SYNJ2: variants seen among roughly 807,000 people sequenced by gnomAD.
The protein encoded by SYNJ2 is polyphosphatidylinositol phosphatase SYNJ2.
A neutral mutation model predicts 141.3 loss-of-function variants in SYNJ2; 116 were observed. The observed-to-expected ratio is 0.82, with a 90% CI of 0.71 to 0.96. SYNJ2 has a LOEUF of 0.96. SYNJ2 is among the 40% of genes least tolerant of loss of function. The pLI, the probability that SYNJ2 is intolerant of heterozygous loss-of-function variation, is 0.00. For missense variants in SYNJ2, 1,873 were observed against 1,934.8 expected, an observed-to-expected ratio of 0.97 and a Z score of 0.60; for synonymous variants, 745 against 777.7, an observed-to-expected ratio of 0.96 and a Z score of 0.70.
At chr6:158,085,114 G>A (rs1422937302) in intron 22 of SYNJ2, among the ~76,000 whole-genome samples, 1 of 151,304 alleles carries the variant, frequency 6.6e-6, no homozygotes, top group East Asian at 1.9e-4. Context: ...CCACCTCCCA[G>A]GCTCAAGCGA....
rs139435603 is a variant in SYNJ2, at chr6:158,063,955, C to T, written c.1209+83C>T. 2.7e-4 allele frequency: 389 copies of T among 1,431,072 alleles called. 1 individual carries two copies. The African/African-American group carries it at 3.6e-3, about 13-fold the overall frequency. The allele number at this position is 1,431,072 out of a possible 1,614,324, so 88.6% of individuals were successfully genotyped here. ...GACAGGCTGGGCTGAGCACCTTTAG[C>T]GGCAAGATGAGGGTGGCATCACCAA... On this transcript the variant is annotated intron_variant, in intron 9 of 26. Transcript: ENST00000355585.
At position 158,096,695 on chromosome 6, in the gene SYNJ2, C is replaced by A; in HGVS notation, c.*331C>A. On this transcript the variant is annotated 3_prime_UTR_variant, in exon 27 of 27. Coordinates refer to ENST00000355585, the MANE Select transcript of SYNJ2 (RefSeq NM_003898.4). ...CCCATTGAATTTTTAAATGGCTGTTCAGTTCATGTTGTACGTGATGGAGAT... is the reference window on the plus strand; with the variant it reads ...CCCATTGAATTTTTAAATGGCTGTTAAGTTCATGTTGTACGTGATGGAGAT... 1 of 212,518 alleles carries A rather than the reference C, an allele frequency of 4.7e-6. No individual in the cohort carries two copies. The highest frequency in any genetic ancestry group is 1.3e-4 in the East Asian group (1 of 7,936). 13.2% of individuals were successfully genotyped at this position (212,518 alleles called of 1,614,324 possible).
Position 158,069,651 on chromosome 6 carries a change from C to G in SYNJ2, c.1918C>G (p.Pro640Ala). ...CGTCTGTCTTTATATCTTTGTACGT[C>G]CATACCATGTCCCGTTCATCAGGTA... ...VGVCLYIFVR[P>A]YHVPFIRDVA... The change falls in exon 14 of 27, where the codon CCA becomes GCA. Residue 640 changes from proline to alanine, a missense_variant. Physicochemically the swap from Pro to Ala is conservative, Grantham distance 27. Coordinates refer to ENST00000355585, the MANE Select transcript of SYNJ2 (RefSeq NM_003898.4). The G allele has an allele frequency of 6.2e-7, 1 of 1,613,556 alleles. No homozygotes were observed. Among genetic ancestry groups the G allele is most frequent in the Non-Finnish European group, 8.5e-7 (1 of 1,179,584 alleles).
intron 15 of SYNJ2, among the ~76,000 whole-genome samples, chr6:158,073,068 TAA>T (rs59003520): frequency 1.8e-3 from 238 of 134,338 alleles, no homozygotes; most frequent in Middle Eastern, 3.9e-3. Flanking sequence ...AGACTCTGTC[TAA>T]AAAAAAAAAA....
chr6:158,047,799 A>C (rs1372368321), intron 5 of SYNJ2, among the ~76,000 whole-genome samples: 5 of 149,806 alleles, frequency 3.3e-5, no homozygotes, highest in African/African-American at 4.9e-5. Context: ...AAAAAAAAAA[A>C]AAAAAACACA....
intron 7 of SYNJ2, chr6:158,059,618 A>G: frequency 9.1e-7 from 1 of 1,100,100 alleles, no homozygotes; most frequent in South Asian, 2.3e-5. Flanking sequence ...GCAGTGGTGC[A>G]ATCTCAGCTC....
chr6:158,083,517 T>A lies in SYNJ2; in HGVS notation c.2954T>A (p.Met985Lys). The A allele has an allele frequency of 6.2e-7, 1 of 1,614,204 alleles. No homozygotes were observed. The highest frequency in any genetic ancestry group is 8.5e-7 in the Non-Finnish European group (1 of 1,180,038). ...GAGATCATTCGGAAACGAGACAGCA[T>A]GGCCCCCGTGTCTCCCACTGCCAAC... ...REEIIRKRDS[M>K]APVSPTANSC... is the part of the protein sequence containing the mutation. The change falls in exon 21 of 27, where the codon ATG becomes AAG. Residue 985 changes from methionine to lysine, a missense_variant. Coordinates refer to ENST00000355585, the MANE Select transcript of SYNJ2 (RefSeq NM_003898.4).
intron 5 of SYNJ2, among the ~76,000 whole-genome samples, chr6:158,053,565 A>C (rs528144992): frequency 1.3e-4 from 20 of 151,456 alleles, no homozygotes; most frequent in African/African-American, 4.1e-4. Flanking sequence ...TAACCCATCC[A>C]TTCATCCACT....
chr6:158,092,809 A>T (rs1783549577), intron 25 of SYNJ2, 117 bp from the exon 26 acceptor site: 3 of 980,554 alleles, frequency 3.1e-6, no homozygotes, highest in Non-Finnish European at 2.9e-6. Flanking sequence ...CTAGCTGATT[A>T]CTCCTGAAAT....
intron 17 of SYNJ2, chr6:158,077,769 C>T (rs1486770492): frequency 6.5e-6 from 1 of 153,046 alleles, no homozygotes; most frequent in Non-Finnish European, 1.5e-5. Flanking sequence ...TTGTGAACGC[C>T]TGTGTGGCCC....
intron 4 of SYNJ2, among the ~76,000 whole-genome samples, chr6:158,038,232 T>G (rs1200839402): frequency 1.3e-5 from 2 of 152,006 alleles, no homozygotes; most frequent in African/African-American, 4.8e-5. Flanking sequence ...CTAGTGTGTG[T>G]GTTTTGTCCT....
chr6:158,027,056 G>A lies in SYNJ2; in HGVS notation c.215-1700G>A, dbSNP rs74615689. The A allele has an allele frequency of 4.5e-4, 448 of 985,376 alleles. 1 individual carries two copies. The African/African-American group carries it at 7.0e-3, about 15-fold the overall frequency. 61.0% of individuals were successfully genotyped at this position (985,376 alleles called of 1,614,324 possible). A position where few individuals can be genotyped will look rare whatever the true frequency, so the allele number is the denominator to read the frequency against. ...TGCCCTGCTGGCAGCCCCACCCCAT[G>A]GCATAGCAGCAGGCCCCTGGGAGCC... On this transcript the variant is annotated intron_variant, in intron 2 of 26. Transcript: ENST00000355585. This position sits in a 1 kb window ranked among gnomAD's most constrained non-coding sequence, Gnocchi z 4.6.
At position 158,084,711 on chromosome 6, in the gene SYNJ2, C is replaced by T. The variant is rs1377547821; in HGVS notation, c.3208+537C>T. Among the ~76,000 whole-genome samples the T allele has an allele frequency of 6.6e-6, 1 of 152,036 alleles. No individual in the cohort carries two copies. The highest frequency in any genetic ancestry group is 1.9e-4 in the East Asian group (1 of 5,168). Reference sequence around the variant, plus strand: ...CCTGTAATCCCAGCTACTCAGGCAGCTGAAGCAGGAGAATCGCTTGAGCTG... The same window carrying T: ...CCTGTAATCCCAGCTACTCAGGCAGTTGAAGCAGGAGAATCGCTTGAGCTG... On this transcript the variant is annotated intron_variant, in intron 22 of 26. Transcript: ENST00000355585. The surrounding 1 kb of genome is among the most constrained non-coding windows in gnomAD (Gnocchi z 5.0).
At chr6:157,985,069 A>T (rs1777151099) in intron 1 of SYNJ2, among the ~76,000 whole-genome samples, 1 of 152,174 alleles carries the variant, frequency 6.6e-6, no homozygotes, top group South Asian at 2.1e-4. Context: ...TTCATAGCAC[A>T]TTTTATTCCT....
intron 9 of SYNJ2, among the ~76,000 whole-genome samples, chr6:158,064,210 G>A (rs1174467646): frequency 6.6e-6 from 1 of 152,196 alleles, no homozygotes; most frequent in Non-Finnish European, 1.5e-5. Flanking sequence ...GATGAGGCTG[G>A]ATTTGAAGCT....
chr6:158,037,471 G>A (rs528428759), intron 4 of SYNJ2, among the ~76,000 whole-genome samples: 8 of 144,638 alleles, frequency 5.5e-5, no homozygotes, highest in African/African-American at 7.8e-5. Flanking sequence ...GCACAATCTC[G>A]GCTCACTGCA....
chr6:158,026,240 G>A (rs1204504692), intron 2 of SYNJ2, among the ~76,000 whole-genome samples: 1 of 152,198 alleles, frequency 6.6e-6, no homozygotes, highest in Non-Finnish European at 1.5e-5. Context: ...GCAAGGAGGT[G>A]TAATTAGGAG....
Position 157,982,190 on chromosome 6 carries a change from C to T in SYNJ2, c.127+102C>T, listed in dbSNP as rs1211514548. ...CCCCCTTCCCGAGGGGATCGGGCGG[C>T]GCTGGGACTGCCGGGGCGTAGGGGT... is the stretch of plus-strand genomic sequence containing the variant. On this transcript the variant is annotated intron_variant, in intron 1 of 26. Coordinates refer to ENST00000355585, the MANE Select transcript of SYNJ2 (RefSeq NM_003898.4). This position sits in a 1 kb window ranked among gnomAD's most constrained non-coding sequence, Gnocchi z 4.0. 5.7e-6 allele frequency: 7 copies of T among 1,231,962 alleles called. No individual in the cohort carries two copies. In the Admixed American group the frequency reaches 2.6e-4, roughly 45 times the overall value. The allele number at this position is 1,231,962 out of a possible 1,614,324, so 76.3% of individuals were successfully genotyped here.
intron 25 of SYNJ2, among the ~76,000 whole-genome samples, chr6:158,091,777 GTGC>G (rs1390086832): frequency 6.6e-6 from 1 of 150,560 alleles, no homozygotes; most frequent in Non-Finnish European, 1.5e-5. Flanking sequence ...AAAGAATGAA[GTGC>G]TGATACATAC....
Sources: gnomAD v4.1 joint callset for allele counts (sites outside exome capture counted in the v4.1 genomes callset) on GRCh38, gnomAD v4.1.1 for gene constraint, Gnocchi (gnomAD v3.1) non-coding constraint, MANE v1.5 for transcripts, NCBI Gene and HGNC (gene_info 2026-07-23, HGNC 2026-07-21) for gene names.